Variants in DNAH9 observed in about 807,000 individuals in gnomAD.
The protein encoded by DNAH9 is dynein axonemal heavy chain 9.
DNAH9 carries 345 observed loss-of-function variants against 471.6 expected under a neutral mutation model. The ratio of observed to expected loss-of-function variants is 0.73; its 90% CI spans 0.67 to 0.80. The LOEUF is 0.80. DNAH9 is among the 30% of genes least tolerant of loss of function. DNAH9 has a pLI of 0.00. For synonymous variants in DNAH9, 2,093 were observed against 2,123.6 expected, an observed-to-expected ratio of 0.99 and a Z score of 0.40; for missense variants, 5,407 against 5,609.2, an observed-to-expected ratio of 0.96 and a Z score of 1.15.
At chr17:11,821,304 A>G (rs1376172027) in intron 45 of DNAH9, among the ~76,000 whole-genome samples, 1 of 150,480 alleles carries the variant, frequency 6.6e-6, no homozygotes, top group African/African-American at 2.5e-5. Flanking sequence ...AAAAAAAAAA[A>G]AAATCAACAT....
chr17:11,753,396 A>G (rs1049226010), intron 33 of DNAH9, among the ~76,000 whole-genome samples: 2 of 152,178 alleles, frequency 1.3e-5, no homozygotes, highest in Non-Finnish European at 2.9e-5. Context: ...TTTATAAACA[A>G]TGAAACCTCT....
rs1307020980 is a variant in DNAH9 at position 11,889,130 on chromosome 17, G to C, written c.11112+2165G>C. 2.0e-5 allele frequency among the ~76,000 whole-genome samples: 3 copies of C among 152,204 alleles called. No individual in the cohort carries two copies. The East Asian group carries it at 5.8e-4, about 29-fold the overall frequency. ...ATTCACAGGGTGCCTCAGAGTGAAA[G>C]ACACCTCACTGGGTTCTCCTGCAGA... On this transcript the variant is annotated intron_variant, in intron 57 of 68. Coordinates refer to ENST00000262442, the MANE Select transcript of DNAH9 (RefSeq NM_001372.4).
chr17:11,743,833 ATTT>A (rs113809412), intron 30 of DNAH9, among the ~76,000 whole-genome samples: 2 of 142,960 alleles, frequency 1.4e-5, no homozygotes, highest in Non-Finnish European at 3.1e-5. Flanking sequence ...CCTTGGCTGC[ATTT>A]TTTTTTTTTT....
At chr17:11,693,324 A>C (rs928101456) in intron 20 of DNAH9, among the ~76,000 whole-genome samples, 22 of 133,036 alleles carry the variant, frequency 1.7e-4, no homozygotes, top group Non-Finnish European at 2.8e-4. Context: ...GGCTCTCTGC[A>C]ACCGCACCCT....
chr17:11,610,705 G>A (rs2072616267), intron 3 of DNAH9, 151 bp downstream of exon 3: 2 of 654,066 alleles, frequency 3.1e-6, no homozygotes, highest in South Asian at 4.4e-5. Flanking sequence ...GTGTCATTGG[G>A]TCAAGAGAGT....
At chr17:11,614,982 G>A (rs2072712397) in intron 4 of DNAH9, among the ~76,000 whole-genome samples, 1 of 152,206 alleles carries the variant, frequency 6.6e-6, no homozygotes, top group African/African-American at 2.4e-5. Context: ...GTAGATACGT[G>A]TGTGAAAGAA....
chr17:11,908,463 T>C (rs1447090689), intron 61 of DNAH9, among the ~76,000 whole-genome samples: 1 of 152,224 alleles, frequency 6.6e-6, no homozygotes, highest in African/African-American at 2.4e-5. Flanking sequence ...CTTTCTACAG[T>C]ATCAGTCTTT....
At chr17:11,961,734 T>C (rs1976200681) in intron 67 of DNAH9, 133 bp from the exon 68 acceptor site, 8 of 1,128,892 alleles carry the variant, frequency 7.1e-6, no homozygotes, top group South Asian at 1.5e-5. Context: ...TGGAGTTTTA[T>C]GTTCAAATGA....
rs117402216 is a variant in DNAH9 at position 11,632,377 on chromosome 17, C to T, written c.1519-210C>T. Among the ~76,000 whole-genome samples the T allele has an allele frequency of 3.9e-5, 6 of 152,280 alleles. No individual in the cohort carries two copies. In the East Asian group the frequency reaches 9.7e-4, roughly 25 times the overall value. ...CCAAACTCACATCTAATTCATTTCA[C>T]CATCTTGCTGGAACCCTCTAGGTAA... On this transcript the variant is annotated intron_variant, in intron 7 of 68. Coordinates refer to ENST00000262442, the MANE Select transcript of DNAH9 (RefSeq NM_001372.4).
intron 32 of DNAH9, among the ~76,000 whole-genome samples, chr17:11,749,793 T>C (rs1967074107): frequency 6.6e-6 from 1 of 152,094 alleles, no homozygotes; most frequent in Non-Finnish European, 1.5e-5. Flanking sequence ...ATATGTATAT[T>C]GAGATCTGAT....
chr17:11,625,668 A>G (rs1041115218), intron 6 of DNAH9, among the ~76,000 whole-genome samples: 2 of 152,128 alleles, frequency 1.3e-5, no homozygotes, highest in Admixed American at 6.5e-5. Context: ...TCTTCATCTC[A>G]GGGGCCAGAG....
chr17:11,884,110 G>T (rs1170044147), intron 56 of DNAH9, among the ~76,000 whole-genome samples: 1 of 152,274 alleles, frequency 6.6e-6, no homozygotes, highest in Non-Finnish European at 1.5e-5. Flanking sequence ...GAATCGCACT[G>T]CTGGAAAAGC....
Position 11,704,895 on chromosome 17 carries a change from T to G in DNAH9, c.5392-130T>G. The G allele has an allele frequency of 1.9e-5, 14 of 755,564 alleles. No individual in the cohort carries two copies. The South Asian group carries it at 2.2e-4, about 12-fold the overall frequency. The allele number at this position is 755,564 out of a possible 1,614,324, so 46.8% of individuals were successfully genotyped here. ...AGAGCAGCTTGTGCTTTCTATGCTG[T>G]GGTGGCCACAGCATGCTGCACACTT... On this transcript the variant is annotated intron_variant, in intron 25 of 68. Transcript: ENST00000262442.
chr17:11,742,314 G>T lies in DNAH9; in HGVS notation c.6111+1G>T. On this transcript the variant is annotated splice_donor_variant, in intron 30 of 68. Transcript: ENST00000262442. LOFTEE classifies it high-confidence loss of function. ...GTGCAAAGAGCTTCTCTCCAAACAG[G>T]TAGGATCTCTAGGGAGGCTGTACAA... The T allele has an allele frequency of 5.6e-6, 9 of 1,614,056 alleles. No individual in the cohort carries two copies. Among genetic ancestry groups the T allele is most frequent in the Non-Finnish European group, 7.6e-6 (9 of 1,179,954 alleles).
chr17:11,902,246 G>A (rs2151012733), intron 59 of DNAH9, among the ~76,000 whole-genome samples: 1 of 152,288 alleles, frequency 6.6e-6, no homozygotes, highest in Non-Finnish European at 1.5e-5. Context: ...CATAGAAATA[G>A]ACAACCCATG....
At chr17:11,900,451 G>T (rs754175317) in intron 59 of DNAH9, among the ~76,000 whole-genome samples, 8 of 134,896 alleles carry the variant, frequency 5.9e-5, no homozygotes, top group Non-Finnish European at 1.2e-4. Flanking sequence ...TTCCTGTCAG[G>T]CCCCACACTC....
chr17:11,667,351 T>G (rs555000121), intron 15 of DNAH9, among the ~76,000 whole-genome samples: 1 of 152,326 alleles, frequency 6.6e-6, no homozygotes, highest in South Asian at 2.1e-4. Flanking sequence ...ATAATTACTT[T>G]GTTATTGGTA....
intron 6 of DNAH9, among the ~76,000 whole-genome samples, chr17:11,623,000 T>C (rs2072901341): frequency 6.7e-6 from 1 of 150,208 alleles, no homozygotes; most frequent in Non-Finnish European, 1.5e-5. Flanking sequence ...CGAGATGGAG[T>C]TTTGCTCTTG....
chr17:11,900,752 T>C (rs1024792789), intron 59 of DNAH9, among the ~76,000 whole-genome samples: 4 of 152,164 alleles, frequency 2.6e-5, no homozygotes, highest in Admixed American at 1.3e-4. Context: ...AAAAAGATTA[T>C]ATTGGGTGCC....
Sources: allele counts gnomAD v4.1 joint callset (sites outside exome capture counted in the v4.1 genomes callset), GRCh38; gene constraint gnomAD v4.1.1; transcripts MANE v1.5; gene names NCBI Gene and HGNC (gene_info 2026-07-23, HGNC 2026-07-21).